The following ATG14 variants were observed in gnomAD, a reference collection of about 807,000 sequenced individuals.
ATG14 encodes beclin 1-associated autophagy-related key regulator.
In ATG14, 35 loss-of-function variants were observed where a neutral mutation model predicts 60.4. That is an observed-to-expected ratio of 0.58 (90% CI 0.44 to 0.77). ATG14 has a LOEUF of 0.77. Among genes scored for constraint, ATG14 ranks in the 30% least tolerant of loss-of-function variants. The probability of loss-of-function intolerance (pLI) is 0.00; values close to 1 mark genes in which losing one functional copy is unlikely to be tolerated. For synonymous variants in ATG14, 234 were observed against 228.8 expected (o/e 1.02, Z -0.21); for missense variants, 647 against 626.3 (o/e 1.03, Z -0.35).
At chr14:55,400,665 G>A (rs1885382479) in intron 1 of ATG14, among the ~76,000 whole-genome samples, 1 of 152,156 alleles carries the variant, frequency 6.6e-6, no homozygotes, top group East Asian at 1.9e-4. Context: ...CACTTTGGGA[G>A]GCCAAGGCGG....
intron 4 of ATG14, among the ~76,000 whole-genome samples, chr14:55,387,770 T>C (rs894932133): frequency 6.6e-6 from 1 of 151,684 alleles, no homozygotes; most frequent in African/African-American, 2.4e-5. Flanking sequence ...CCGGGTTCAA[T>C]TGATTCTCCT....
At chr14:55,394,633 C>T (rs570970234) in intron 3 of ATG14, among the ~76,000 whole-genome samples, 6 of 152,240 alleles carry the variant, frequency 3.9e-5, no homozygotes, top group African/African-American at 9.6e-5. Context: ...AGGACTACCA[C>T]GACCAAAGAG....
chr14:55,388,788 T>A (rs1050339511), intron 4 of ATG14, among the ~76,000 whole-genome samples: 1 of 152,142 alleles, frequency 6.6e-6, no homozygotes. Context: ...GAAGGAGACA[T>A]GTACATTCTA....
intron 9 of ATG14, among the ~76,000 whole-genome samples, chr14:55,377,347 C>G (rs1411022384): frequency 6.9e-6 from 1 of 144,334 alleles, no homozygotes; most frequent in East Asian, 2.0e-4. Context: ...AACCCCATCT[C>G]AAAAAAAAAA....
chr14:55,386,988 T>G (rs1885135923), intron 4 of ATG14, among the ~76,000 whole-genome samples: 1 of 152,212 alleles, frequency 6.6e-6, no homozygotes, highest in Admixed American at 6.5e-5. Flanking sequence ...TAATCAACCC[T>G]TGATGGTCAA....
At chr14:55,389,699 G>A (rs1885182046) in intron 4 of ATG14, among the ~76,000 whole-genome samples, 1 of 152,192 alleles carries the variant, frequency 6.6e-6, no homozygotes, top group African/African-American at 2.4e-5. Flanking sequence ...AAGTAAATCT[G>A]ATTTTCAATG....
At chr14:55,388,870 C>A (rs749299021) in intron 4 of ATG14, among the ~76,000 whole-genome samples, 53 of 152,154 alleles carry the variant, frequency 3.5e-4, no homozygotes, top group Non-Finnish European at 6.5e-4. Context: ...AGTGTGGCGT[C>A]TAGATCTGGG....
At chr14:55,396,578 G>A (rs1885316659) in intron 2 of ATG14, among the ~76,000 whole-genome samples, 1 of 152,138 alleles carries the variant, frequency 6.6e-6, no homozygotes. Flanking sequence ...TTTCATCGGG[G>A]GTGTGAGACA....
chr14:55,410,690 T>C (rs1885557262), intron 1 of ATG14, among the ~76,000 whole-genome samples: 1 of 152,234 alleles, frequency 6.6e-6, no homozygotes, highest in Non-Finnish European at 1.5e-5. Context: ...AACACTTAAC[T>C]ATTTGTGTGA....
intron 3 of ATG14, chr14:55,395,322 C>G (rs1018815128): frequency 3.8e-6 from 1 of 261,354 alleles, no homozygotes; most frequent in Non-Finnish European, 7.8e-6. Context: ...GCTGCTGCCA[C>G]GCCTCTCCCA....
At chr14:55,370,905 C>T (rs7160055) in intron 9 of ATG14, among the ~76,000 whole-genome samples, 136,523 of 152,176 alleles carry the variant, frequency 0.9, 61,577 homozygotes, top group East Asian at 1. Context: ...CCTCTCAAAA[C>T]GCTGAGATTA....
intron 1 of ATG14, among the ~76,000 whole-genome samples, chr14:55,400,211 A>G (rs1219128247): frequency 6.6e-6 from 1 of 152,216 alleles, no homozygotes; most frequent in Non-Finnish European, 1.5e-5. Context: ...AGAAGGAGAT[A>G]AAAAATTCAT....
intron 1 of ATG14, among the ~76,000 whole-genome samples, chr14:55,399,554 C>A (rs931366289): frequency 6.6e-6 from 1 of 152,222 alleles, no homozygotes; most frequent in Non-Finnish European, 1.5e-5. Context: ...CTCCAGAATA[C>A]TAAGAAATCT....
At chr14:55,394,466 G>A (rs1316484278) in intron 3 of ATG14, among the ~76,000 whole-genome samples, 5 of 152,078 alleles carry the variant, frequency 3.3e-5, no homozygotes, top group Non-Finnish European at 5.9e-5. Context: ...CTTAAAATCT[G>A]GAAGCAAACT....
Position 55,380,619 on chromosome 14 carries a change from G to A in ATG14, c.949C>T (p.Leu317=), listed in dbSNP as rs144891475. Reference sequence around the variant, plus strand: ...AGATTTACATCAAGTATATGAGACAGAATGTTGACCAGCTGAGTTGCATAG... The same window carrying A: ...AGATTTACATCAAGTATATGAGACAAAATGTTGACCAGCTGAGTTGCATAG... ...LCYATQLVNI[L]SHILDVNLPK... The change falls in exon 7 of 10, where the codon CTG becomes TTG. Residue 317 remains leucine (L), a synonymous_variant. Coordinates refer to ENST00000247178, the MANE Select transcript of ATG14 (RefSeq NM_014924.5). 2,711 of 1,613,184 alleles carry A rather than the reference G, an allele frequency of 1.7e-3. 6 individuals carry two copies. The highest frequency in any genetic ancestry group is 2.1e-3 in the Middle Eastern group (13 of 6,060).
At chr14:55,397,943 C>CTT (rs928087584) in intron 1 of ATG14, among the ~76,000 whole-genome samples, 1,335 of 105,464 alleles carry the variant, frequency 0.013, 10 homozygotes, top group African/African-American at 0.017. Context: ...TGCAGTAATT[C>CTT]TTTTTTTTTT....
chr14:55,380,810 T>G (rs1016429476), intron 6 of ATG14, 120 bp from the exon 7 acceptor site: 2 of 428,940 alleles, frequency 4.7e-6, no homozygotes, highest in Admixed American at 3.8e-5. Flanking sequence ...AGTGCTTCCT[T>G]AATAGATGCT....
chr14:55,373,735 A>G (rs537642028), intron 9 of ATG14, among the ~76,000 whole-genome samples: 1 of 152,094 alleles, frequency 6.6e-6, no homozygotes, highest in Admixed American at 6.5e-5. Flanking sequence ...CTGGGATTAC[A>G]GGTGTGAGCC....
intron 4 of ATG14, among the ~76,000 whole-genome samples, chr14:55,388,408 C>T (rs949141082): frequency 3.9e-5 from 6 of 152,162 alleles, no homozygotes; most frequent in Admixed American, 3.3e-4. Context: ...ACTCAGCAGG[C>T]AGTCATCCTC....
Sources: allele counts gnomAD v4.1 joint callset (sites outside exome capture counted in the v4.1 genomes callset), GRCh38; gene constraint gnomAD v4.1.1; transcripts MANE v1.5; gene names NCBI Gene and HGNC (gene_info 2026-07-23, HGNC 2026-07-21).